Variants in RNF135 observed in about 807,000 individuals in gnomAD.
RNF135 encodes the protein ring finger protein 135, also known as E3 ubiquitin-protein ligase RNF135.
Under a neutral mutation model 41.9 loss-of-function variants are expected in RNF135, and 46 were observed. The observed-to-expected ratio is 1.10, with a 90% confidence interval of 0.87 to 1.40. RNF135 has a LOEUF of 1.40. Among genes scored for constraint, RNF135 ranks in the 40% most tolerant of loss-of-function variants. The pLI is 0.00. For synonymous variants in RNF135, 238 were observed against 223.8 expected (o/e 1.06, Z -0.57); for missense variants, 539 against 549.8 (o/e 0.98, Z 0.20).
In RNF135 at chr17:30,971,432, C is replaced by A. The variant is rs920820578; in HGVS notation, c.359C>A (p.Pro120Gln). The A allele has an allele frequency of 6.6e-7, 1 of 1,514,426 alleles. No homozygotes were observed. Among genetic ancestry groups the A allele is most frequent in the Non-Finnish European group, 8.8e-7 (1 of 1,138,794 alleles). The allele number at this position is 1,514,426 out of a possible 1,614,324, so 93.8% of individuals were successfully genotyped here. Residue 120 changes from proline to glutamine, a missense_variant, in exon 1 of 5, where the codon CCG becomes CAG. This residue lies in a region of RNF135 where 277 missense variants were observed against 212.8 expected (regional missense o/e 1.30). Transcript: ENST00000328381. ...GCGGCCGCGAGGCCCCGGCGCCGCC[C>A]GGAACTGCAGCGGGTAGGGAGGCCG... ...SSAAARPRRRPELQRVAVEKS... is the reference protein window; with the variant it reads ...SSAAARPRRRQELQRVAVEKS...
chr17:30,963,454 C>T, the RNF135 span, among the ~76,000 whole-genome samples: 2 of 151,954 alleles, frequency 1.3e-5, no homozygotes, highest in Non-Finnish European at 2.9e-5. Context: ...TGGTTGTAGT[C>T]CCAGCTACTC....
intron 4 of RNF135, 115 bp from the exon 5 acceptor site, chr17:30,998,547 A>G (rs1908520794): frequency 1.0e-6 from 1 of 974,370 alleles, no homozygotes; most frequent in East Asian, 2.4e-5. Context: ...TTTTAATGCT[A>G]GTGTGAGTGA....
chr17:30,975,577 C>G, intron 1 of RNF135: 1 of 814,134 alleles, frequency 1.2e-6, no homozygotes, highest in South Asian at 1.3e-5. Context: ...AGGTCTGGTT[C>G]AAGAACCACA....
chr17:30,997,357 T>C lies in RNF135; in HGVS notation c.769+26T>C, dbSNP rs372720185. 9 of 1,596,268 alleles carry C rather than the reference T, an allele frequency of 5.6e-6. No homozygotes were observed. The African/African-American group carries it at 8.0e-5, about 14-fold the overall frequency. The stretch of plus-strand genomic sequence containing the variant: ...GTAAGTATGTGGTCCACTTTAAACA[T>C]GGGTTTGGCTTGCCGCAGAGCGGGC... On this transcript the variant is annotated intron_variant, in intron 4 of 4. Coordinates refer to ENST00000328381, the MANE Select transcript of RNF135 (RefSeq NM_032322.4).
intron 1 of RNF135, chr17:30,975,670 C>T: frequency 7.2e-7 from 1 of 1,384,078 alleles, no homozygotes; most frequent in Non-Finnish European, 1.0e-6. Context: ...AGGGTGGAGT[C>T]ACCACCAGTG....
chr17:30,995,244 T>G (rs559465244), intron 3 of RNF135, among the ~76,000 whole-genome samples: 87 of 152,056 alleles, frequency 5.7e-4, no homozygotes, highest in African/African-American at 2.1e-3. Context: ...AAAAATTAGC[T>G]GGGTGTGGTG....
intron 1 of RNF135, among the ~76,000 whole-genome samples, chr17:30,982,430 C>T (rs912813527): frequency 2.6e-5 from 4 of 152,190 alleles, no homozygotes; most frequent in Non-Finnish European, 5.9e-5. Context: ...CTCTTTATCA[C>T]CATGCTCTCC....
intron 1 of RNF135, among the ~76,000 whole-genome samples, chr17:30,975,110 G>A (rs1049684020): frequency 6.6e-6 from 1 of 150,540 alleles, no homozygotes; most frequent in East Asian, 1.9e-4. Context: ...GCAGCATGGT[G>A]AGATCCAATT....
chr17:30,960,784 G>T, the RNF135 span, among the ~76,000 whole-genome samples: 2 of 146,070 alleles, frequency 1.4e-5, no homozygotes, highest in African/African-American at 5.0e-5. Flanking sequence ...CTGTCGCCCA[G>T]GCTGGAGTGC....
At chr17:30,991,591 A>G (rs1009636317) in intron 3 of RNF135, among the ~76,000 whole-genome samples, 28 of 151,556 alleles carry the variant, frequency 1.8e-4, no homozygotes, top group African/African-American at 6.5e-4. Flanking sequence ...TAATTTTTGT[A>G]CTTTTAGAGA....
the RNF135 span, chr17:30,959,221 G>A: frequency 2.6e-5 from 4 of 152,168 alleles, no homozygotes; most frequent in African/African-American, 9.7e-5. Context: ...GGAGAAGAAC[G>A]AGAAGTATAG....
chr17:30,981,011 C>G (rs1045362166), intron 1 of RNF135, among the ~76,000 whole-genome samples: 4 of 146,328 alleles, frequency 2.7e-5, no homozygotes, highest in African/African-American at 1.0e-4. Flanking sequence ...CCAAGGCAGG[C>G]GGCTGGGAGG....
At chr17:30,961,393 G>A in the RNF135 span, among the ~76,000 whole-genome samples, 1 of 152,056 alleles carries the variant, frequency 6.6e-6, no homozygotes, top group African/African-American at 2.4e-5. Context: ...CTGCAGTAGG[G>A]AATTTCCCAT....
At chr17:30,963,376 A>G in the RNF135 span, among the ~76,000 whole-genome samples, 1 of 151,956 alleles carries the variant, frequency 6.6e-6, no homozygotes, top group South Asian at 2.1e-4. Context: ...ACGTCAGGAG[A>G]TCGAGACCAT....
rs930638283 is a variant in RNF135, at chr17:30,999,268, A to C, written c.*77A>C. The C allele has an allele frequency of 2.0e-6, 3 of 1,499,222 alleles. No homozygotes were observed. Among genetic ancestry groups the C allele is most frequent in the Non-Finnish European group, 2.7e-6 (3 of 1,091,422 alleles). The allele number at this position is 1,499,222 out of a possible 1,614,324, so 92.9% of individuals were successfully genotyped here. On this transcript the variant is annotated 3_prime_UTR_variant, in exon 5 of 5. Coordinates refer to ENST00000328381, the MANE Select transcript of RNF135 (RefSeq NM_032322.4). Reference sequence around the variant, plus strand: ...TCAATCAGGGTAGTAACTTGACTTAAGAATACCACTTTTTAGAAAAATTAC... The same window carrying C: ...TCAATCAGGGTAGTAACTTGACTTACGAATACCACTTTTTAGAAAAATTAC...
At chr17:30,987,432 A>G (rs569728796) in intron 2 of RNF135, among the ~76,000 whole-genome samples, 4 of 152,076 alleles carry the variant, frequency 2.6e-5, no homozygotes, top group South Asian at 2.1e-4. Flanking sequence ...GGGTTTCACC[A>G]TGTTGGCCAG....
Position 30,980,046 on chromosome 17 carries a change from C to T in RNF135, c.373-4571C>T, listed in dbSNP as rs1156997900. 7.3e-4 allele frequency: 97 copies of T among 133,440 alleles called. 1 individual carries two copies. Among genetic ancestry groups the T allele is most frequent in the Non-Finnish European group, 1.4e-3 (89 of 63,694 alleles). 8.3% of individuals were successfully genotyped at this position (133,440 alleles called of 1,614,324 possible). A position where few individuals can be genotyped will look rare whatever the true frequency, so the allele number is the denominator to read the frequency against. ...GGCCGGGCGGGGGGCTGACCCCCCA[C>T]CTCCCTCCCGGACTGGGCGGCTGGC... On this transcript the variant is annotated intron_variant, in intron 1 of 4. Coordinates refer to ENST00000328381, the MANE Select transcript of RNF135 (RefSeq NM_032322.4).
chr17:30,983,320 C>T (rs28845780), intron 1 of RNF135, among the ~76,000 whole-genome samples: 78 of 37,078 alleles, frequency 2.1e-3, no homozygotes, highest in Middle Eastern at 0.025. Flanking sequence ...CATATATGTA[C>T]ATATATATAT....
At chr17:30,975,260 C>T in intron 1 of RNF135, 1 of 527,976 alleles carries the variant, frequency 1.9e-6, no homozygotes, top group South Asian at 2.3e-5. Flanking sequence ...GAGGTTGAGG[C>T]TGCAGTGAGC....
Sources: gnomAD v4.1 joint callset for allele counts (sites outside exome capture counted in the v4.1 genomes callset) on GRCh38, gnomAD v4.1.1 for gene constraint, gnomAD v4.1.1 regional missense constraint, MANE v1.5 for transcripts, NCBI Gene and HGNC (gene_info 2026-07-23, HGNC 2026-07-21) for gene names.